GRIN2B: variants seen among roughly 807,000 people sequenced by gnomAD.
GRIN2B encodes the protein glutamate receptor ionotropic, NMDA 2B.
A neutral mutation model predicts 114.5 loss-of-function variants in GRIN2B; 5 were observed. The ratio of observed to expected loss-of-function variants is 0.04; its 90% confidence interval spans 0.02 to 0.09. GRIN2B has a LOEUF of 0.09. Ranked by LOEUF, GRIN2B falls within the 10% of genes least tolerant of loss-of-function variation. The pLI, the probability that GRIN2B is intolerant of heterozygous loss-of-function variation, is 1.00. For missense variants in GRIN2B, 1,108 were observed against 1,943.5 expected, an observed-to-expected ratio of 0.57 and a Z score of 8.08; for synonymous variants, 787 against 745.1, an observed-to-expected ratio of 1.06 and a Z score of -0.92.
intron 2 of GRIN2B, among the ~76,000 whole-genome samples, chr12:13,879,565 A>G (rs1436601307): frequency 1.4e-4 from 22 of 152,046 alleles, no homozygotes; most frequent in Admixed American, 1.2e-3. Flanking sequence ...TTCCTGTAAC[A>G]GTAATAATAT....
chr12:13,786,965 A>T (rs899034767), intron 3 of GRIN2B, among the ~76,000 whole-genome samples: 1 of 152,152 alleles, frequency 6.6e-6, no homozygotes, highest in African/African-American at 2.4e-5. Context: ...GGAGAAAAAA[A>T]AAAAGTATGT....
At chr12:13,653,894 C>T (rs1374019481) in intron 5 of GRIN2B, among the ~76,000 whole-genome samples, 8 of 152,078 alleles carry the variant, frequency 5.3e-5, no homozygotes, top group Admixed American at 5.2e-4. Context: ...CATCTTTCCT[C>T]TTTTCTGCAG....
chr12:13,862,772 G>T (rs11055651), intron 3 of GRIN2B, among the ~76,000 whole-genome samples: 51,709 of 151,778 alleles, frequency 0.34, 9,077 homozygotes, highest in Middle Eastern at 0.39. Flanking sequence ...TCTTTTTATT[G>T]GCCTTTATGC....
rs1863101291 is a variant in GRIN2B at position 13,979,953 on chromosome 12, A to G, written c.-44T>C. 1 of 152,208 alleles carries G rather than the reference A, an allele frequency of 6.6e-6. No homozygotes were observed. The highest frequency in any genetic ancestry group is 2.4e-5 in the African/African-American group (1 of 41,444). 9.4% of individuals were successfully genotyped at this position (152,208 alleles called of 1,614,324 possible). On this transcript the variant is annotated 5_prime_UTR_variant, in exon 2 of 14. An upstream open reading frame in the 5' UTR loses its in-frame stop. Transcript: ENST00000609686. ...CTTGGTTTGTAGAAGCCAAACCTCTAGACGGACAGATTAAGGGAGTGAGCA... is the reference window on the plus strand; with the variant it reads ...CTTGGTTTGTAGAAGCCAAACCTCTGGACGGACAGATTAAGGGAGTGAGCA...
At chr12:13,605,520 G>GTATCTCTCTCTCTCTCTCTCTCTCTCTC (rs1949229771) in intron 10 of GRIN2B, among the ~76,000 whole-genome samples, 1 of 114,952 alleles carries the variant, frequency 8.7e-6, no homozygotes. Flanking sequence ...GGTCTTGAAA[G>GTATCTCTCTCTCTCTCTCTCTCTCTCTC]TCTCTCTCTC....
In GRIN2B at chr12:13,753,765, T is replaced by C; in HGVS notation, c.562A>G (p.Ser188Gly). The C allele has an allele frequency of 6.2e-7, 1 of 1,614,100 alleles. No homozygotes were observed. Among genetic ancestry groups the C allele is most frequent in the Non-Finnish European group, 8.5e-7 (1 of 1,179,954 alleles). ...CCCACAAAGCTATTCTCAATGGTGCTGCGGATCTTGTTTACAAAGTCCTGG... is the reference window on the plus strand; with the variant it reads ...CCCACAAAGCTATTCTCAATGGTGCCGCGGATCTTGTTTACAAAGTCCTGG... ...GYQDFVNKIR[S>G]TIENSFVGWE... is the part of the protein sequence containing the mutation. Residue 188 changes from serine (S) to glycine (G), a missense_variant, in exon 4 of 14, where the codon AGC becomes GGC. By Grantham distance (56) the Ser-to-Gly change is moderately conservative. Around this residue, in one of 19 missense-constraint regions of GRIN2B, gnomAD observed 199 missense variants for 439.6 expected, o/e 0.45. Transcript: ENST00000609686. This position sits in a 1 kb window ranked among gnomAD's most constrained non-coding sequence, Gnocchi z 6.2.
intron 4 of GRIN2B, among the ~76,000 whole-genome samples, chr12:13,749,563 G>T (rs1027527972): frequency 1.6e-4 from 24 of 152,184 alleles, no homozygotes; most frequent in Admixed American, 1.5e-3. Context: ...AAAACAACCA[G>T]CCATTTGCAG....
intron 3 of GRIN2B, among the ~76,000 whole-genome samples, chr12:13,833,732 C>T (rs12822825): frequency 6.6e-6 from 1 of 152,276 alleles, no homozygotes; most frequent in African/African-American, 2.4e-5. Flanking sequence ...ACTCCCATTC[C>T]TACCCCATTT....
intron 4 of GRIN2B, among the ~76,000 whole-genome samples, chr12:13,688,059 T>C (rs1048768278): frequency 1.3e-5 from 2 of 152,222 alleles, no homozygotes; most frequent in Non-Finnish European, 2.9e-5. Context: ...TGATATAAAA[T>C]AATAGGTAAA....
intron 2 of GRIN2B, among the ~76,000 whole-genome samples, chr12:13,880,216 C>G (rs1030284093): frequency 6.6e-6 from 1 of 152,110 alleles, no homozygotes; most frequent in Non-Finnish European, 1.5e-5. Context: ...CTAAAGAGCA[C>G]CGAGGGTATC....
intron 5 of GRIN2B, among the ~76,000 whole-genome samples, chr12:13,621,649 CAG>C (rs1194739082): frequency 1.7e-5 from 1 of 57,322 alleles, no homozygotes; most frequent in Non-Finnish European, 3.2e-5. Flanking sequence ...TTCAGAAAAA[CAG>C]TGATGTTTTA....
chr12:13,893,473 A>T (rs1342491008), intron 2 of GRIN2B, among the ~76,000 whole-genome samples: 1 of 152,204 alleles, frequency 6.6e-6, no homozygotes, highest in African/African-American at 2.4e-5. Flanking sequence ...AATAATCCAC[A>T]TACAAAAGTA....
chr12:13,624,449 C>A (rs948070199), intron 5 of GRIN2B, among the ~76,000 whole-genome samples: 2 of 152,224 alleles, frequency 1.3e-5, no homozygotes, highest in Non-Finnish European at 2.9e-5. Context: ...ATGTGAATGG[C>A]TCTAAGTGCA....
intron 5 of GRIN2B, among the ~76,000 whole-genome samples, chr12:13,639,969 A>G (rs567403928): frequency 6.6e-6 from 1 of 152,282 alleles, no homozygotes; most frequent in Admixed American, 6.5e-5. Flanking sequence ...TTGAAAAAAT[A>G]GAGATGTTGA....
intron 4 of GRIN2B, among the ~76,000 whole-genome samples, chr12:13,721,363 A>T (rs2192974): frequency 0.88 from 133,049 of 151,826 alleles, 60,747 homozygotes; most frequent in East Asian, 1. Context: ...AAAAAAAAAA[A>T]TTATTCTGGT....
intron 3 of GRIN2B, among the ~76,000 whole-genome samples, chr12:13,797,983 T>A (rs1469330461): frequency 6.6e-6 from 1 of 152,186 alleles, no homozygotes; most frequent in Non-Finnish European, 1.5e-5. Context: ...GTAAGAAGAC[T>A]TTCTACCTGC....
At chr12:13,850,115 T>C (rs1413731633) in intron 3 of GRIN2B, among the ~76,000 whole-genome samples, 1 of 152,070 alleles carries the variant, frequency 6.6e-6, no homozygotes, top group Admixed American at 6.6e-5. Context: ...CTGGTAAAGA[T>C]TTTGGTCTGT....
intron 5 of GRIN2B, among the ~76,000 whole-genome samples, chr12:13,625,336 C>T (rs1373568561): frequency 6.6e-6 from 1 of 152,132 alleles, no homozygotes; most frequent in Non-Finnish European, 1.5e-5. Flanking sequence ...TCACCCTAGT[C>T]TCCCAAGATC....
intron 3 of GRIN2B, among the ~76,000 whole-genome samples, chr12:13,843,646 G>C (rs1591763186): frequency 6.6e-6 from 1 of 152,148 alleles, no homozygotes; most frequent in Non-Finnish European, 1.5e-5. Flanking sequence ...AGACAATTTA[G>C]GGCTAGAAGC....
Sources: allele counts gnomAD v4.1 joint callset (sites outside exome capture counted in the v4.1 genomes callset), GRCh38; gene constraint gnomAD v4.1.1; regional missense constraint gnomAD v4.1.1; non-coding constraint Gnocchi (gnomAD v3.1); transcripts MANE v1.5; gene names NCBI Gene and HGNC (gene_info 2026-07-23, HGNC 2026-07-21).